Variants in POP4 observed in about 807,000 individuals in gnomAD.
The protein encoded by POP4 is ribonuclease P protein subunit p29.
POP4 carries 31 observed loss-of-function variants against 29.9 expected under a neutral mutation model. That is an observed-to-expected ratio of 1.04 (90% CI 0.78 to 1.40). The LOEUF (loss-of-function observed/expected upper bound fraction) is 1.40. POP4 is among the 40% of genes most tolerant of loss of function. The pLI is 0.00. For missense variants in POP4, 286 were observed against 282.7 expected, an observed-to-expected ratio of 1.01 and a Z score of -0.08; for synonymous variants, 110 against 108.2, an observed-to-expected ratio of 1.02 and a Z score of -0.10.
At chr19:29,611,717 C>T in intron 3 of POP4, 145 bp from the exon 4 acceptor site, 1 of 672,570 alleles carries the variant, frequency 1.5e-6, no homozygotes, top group Non-Finnish European at 2.6e-6. Context: ...GTTATCAGCT[C>T]AATTGCTCAT....
chr19:29,609,031 C>G (rs138664591), intron 2 of POP4: 201 of 251,024 alleles, frequency 8.0e-4, no homozygotes, highest in Non-Finnish European at 1.4e-3. Flanking sequence ...GCCCTCTGCA[C>G]TTCTGCAGAA....
In POP4 at chr19:29,608,648, ATC is replaced by A. The variant is rs992846619; in HGVS notation, c.8-8_8-7del. ...AAGAATTGATCATTTCTTTTTTTTA[ATC>A]CCCCAGGTGTGATCTACCATGCATT... On this transcript the variant is annotated splice_region_variant and splice_polypyrimidine_tract_variant and intron_variant, in intron 1 of 6. Transcript: ENST00000585603. 11 of 1,612,564 alleles carry A rather than the reference ATC, an allele frequency of 6.8e-6. No individual in the cohort carries two copies. The highest frequency in any genetic ancestry group is 9.3e-6 in the Non-Finnish European group (11 of 1,178,916).
In POP4 at chr19:29,608,828, T is replaced by C. The variant is rs994149363; in HGVS notation, c.60+119T>C. On this transcript the variant is annotated intron_variant, in intron 2 of 6. Coordinates refer to ENST00000585603, the MANE Select transcript of POP4 (RefSeq NM_006627.3). ...TCCCACATCATACTCCTCATTTTTC[T>C]GGCAGACATCTAAGGCTGGATCAAA... The C allele has an allele frequency of 9.3e-6, 9 of 970,460 alleles. No homozygotes were observed. The African/African-American group carries it at 1.3e-4, about 14-fold the overall frequency. 60.1% of individuals were successfully genotyped at this position (970,460 alleles called of 1,614,324 possible). A position where few individuals can be genotyped will look rare whatever the true frequency, so the allele number is the denominator to read the frequency against.
rs1971139107 is a variant in POP4, at chr19:29,616,966, G to A, written c.*1586G>A. 1 of 152,176 alleles carries A rather than the reference G, an allele frequency of 6.6e-6. No individual in the cohort carries two copies. The highest frequency in any genetic ancestry group is 2.1e-4 in the South Asian group (1 of 4,834). 9.4% of individuals were successfully genotyped at this position (152,176 alleles called of 1,614,324 possible). A position where few individuals can be genotyped will look rare whatever the true frequency, so the allele number is the denominator to read the frequency against. ...GGTAGATTGAGATTTGGACCTAATA[G>A]GCTCCAGAACTGTGCTTTGAGCTAC... On this transcript the variant is annotated 3_prime_UTR_variant, in exon 7 of 7. Coordinates refer to ENST00000585603, the MANE Select transcript of POP4 (RefSeq NM_006627.3).
chr19:29,615,048 A>T (rs1367313920), intron 6 of POP4, among the ~76,000 whole-genome samples, 196 bp from the exon 7 acceptor site: 1 of 152,194 alleles, frequency 6.6e-6, no homozygotes, highest in East Asian at 1.9e-4. Flanking sequence ...AGCTACATTT[A>T]GCATGTGACT....
rs1971053652 is a variant in POP4, at chr19:29,610,511, G to A, written c.163G>A (p.Ala55Thr). Reference protein sequence around the residue: ...QAREDQLQRKAVVLEYFTRHK... With the variant: ...QAREDQLQRKTVVLEYFTRHK... ...CCGCGAGGACCAGCTGCAGCGCAAG[G>A]CGGTGGTCCTGGAGTACTTCACCCG... Residue 55 changes from alanine to threonine, a missense_variant, in exon 3 of 7, where the codon GCG becomes ACG. Coordinates refer to ENST00000585603, the MANE Select transcript of POP4 (RefSeq NM_006627.3). The A allele has an allele frequency of 3.1e-6, 5 of 1,613,180 alleles. No individual in the cohort carries two copies. In the East Asian group the frequency reaches 1.1e-4, roughly 36 times the overall value.
At chr19:29,609,372 A>G (rs564344935) in intron 2 of POP4, 1 of 152,452 alleles carries the variant, frequency 6.6e-6, no homozygotes, top group East Asian at 1.9e-4. Context: ...CTATCTTCCC[A>G]TCCCCATTGC....
At chr19:29,612,004 C>T (rs1022806727) in intron 4 of POP4, 65 bp downstream of exon 4, 11 of 1,584,722 alleles carry the variant, frequency 6.9e-6, no homozygotes, top group South Asian at 5.6e-5. Context: ...ATTGTAAATG[C>T]GGCTTCAGGA....
At chr19:29,612,016 C>T (rs1599486839) in intron 4 of POP4, 77 bp downstream of exon 4, 2 of 1,585,210 alleles carry the variant, frequency 1.3e-6, no homozygotes. Flanking sequence ...GCTTCAGGAA[C>T]CAGCGTTGGT....
rs1212880758 is a variant in POP4 at position 29,606,310 on chromosome 19, G to A, written c.-9G>A. ...TGCGTCATCAGAGAGCGCCGGAAGC[G>A]GTCCGAGAATGAAGAGTAAGCGGGG... is the stretch of plus-strand genomic sequence containing the variant. On this transcript the variant is annotated 5_prime_UTR_variant, in exon 1 of 7. Transcript: ENST00000585603. 6.2e-7 allele frequency: 1 copy of A among 1,605,570 alleles called. No homozygotes were observed. Among genetic ancestry groups the A allele is most frequent in the South Asian group, 1.1e-5 (1 of 90,004 alleles).
chr19:29,613,863 C>T lies in POP4; in HGVS notation c.425-8C>T, dbSNP rs1971100426. 6.2e-7 allele frequency: 1 copy of T among 1,609,816 alleles called. No individual in the cohort carries two copies. The highest frequency in any genetic ancestry group is 1.3e-5 in the African/African-American group (1 of 74,654). ...GCCTGAGCCTGGAACTGTCCTTTTT[C>T]TTTGCAGTGACAAAATCCAAATGCC... On this transcript the variant is annotated splice_region_variant and splice_polypyrimidine_tract_variant and intron_variant, in intron 5 of 6. Coordinates refer to ENST00000585603, the MANE Select transcript of POP4 (RefSeq NM_006627.3).
At chr19:29,611,787 G>A in intron 3 of POP4, 75 bp from the exon 4 acceptor site, 1 of 1,265,138 alleles carries the variant, frequency 7.9e-7, no homozygotes. Context: ...ATCAAGTCAA[G>A]CTCTGTGCTA....
chr19:29,607,372 C>T (rs1241952027), intron 1 of POP4, among the ~76,000 whole-genome samples: 1 of 151,784 alleles, frequency 6.6e-6, no homozygotes, highest in Non-Finnish European at 1.5e-5. Flanking sequence ...CACTTGAAAC[C>T]AGGAGGTCGA....
chr19:29,611,638 C>T (rs919787694), intron 3 of POP4: 2 of 508,892 alleles, frequency 3.9e-6, no homozygotes, highest in African/African-American at 2.0e-5. Context: ...CAGGTGGACA[C>T]CGCCCTGGGC....
rs1599486645 is a variant in POP4, at chr19:29,611,642, C to G, written c.285-220C>G. 5.5e-6 allele frequency: 3 copies of G among 542,032 alleles called. No individual in the cohort carries two copies. The East Asian group carries it at 9.5e-5, about 17-fold the overall frequency. The allele number at this position is 542,032 out of a possible 1,614,324, so 33.6% of individuals were successfully genotyped here. ...GAAAAGAAGTCCAGGTGGACACCGC[C>G]CTGGGCTGGTGTGGTCCTACCAATG... is the stretch of plus-strand genomic sequence containing the variant. On this transcript the variant is annotated intron_variant, in intron 3 of 6. Coordinates refer to ENST00000585603, the MANE Select transcript of POP4 (RefSeq NM_006627.3).
Position 29,610,428 on chromosome 19 carries a change from C to A in POP4, c.80C>A (p.Ala27Asp), listed in dbSNP as rs1245290223. The part of the protein sequence containing the change: ...SDVQPSGAQR[A>D]EAFVRAFLKR... ...CTGCAGCCTTCAGGAGCACAGCGGG[C>A]CGAGGCCTTCGTGAGGGCCTTCCTG... Residue 27 changes from alanine to aspartate, a missense_variant, in exon 3 of 7, where the codon GCC becomes GAC. Transcript: ENST00000585603. 2.5e-6 allele frequency: 4 copies of A among 1,569,840 alleles called. No homozygotes were observed. Among genetic ancestry groups the A allele is most frequent in the Middle Eastern group, 2.0e-4 (1 of 4,924 alleles).
At chr19:29,606,414 T>C (rs750711152) in intron 1 of POP4, 89 bp downstream of exon 1, 8 of 1,437,520 alleles carry the variant, frequency 5.6e-6, no homozygotes, top group Non-Finnish European at 7.4e-6. Context: ...GGGCTACCTG[T>C]TGCTGCGGAG....
In POP4 at chr19:29,615,240, T is replaced by TC. The variant is rs781144735; in HGVS notation, c.527-3dup. ...TCTCCTGCCTTTTTTTTTTTTTTTTTCAGTTATCCCCAAGCTAAACTGCGT... is the reference window on the plus strand; with the variant it reads ...TCTCCTGCCTTTTTTTTTTTTTTTTTCCAGTTATCCCCAAGCTAAACTGCGT... On this transcript the variant is annotated splice_polypyrimidine_tract_variant and splice_region_variant and intron_variant, in intron 6 of 6. Coordinates refer to ENST00000585603, the MANE Select transcript of POP4 (RefSeq NM_006627.3). The TC allele has an allele frequency of 4.5e-5, 66 of 1,467,104 alleles. No individual in the cohort carries two copies. The highest frequency in any genetic ancestry group is 5.7e-5 in the Non-Finnish European group (63 of 1,104,768). The allele number at this position is 1,467,104 out of a possible 1,614,324, so 90.9% of individuals were successfully genotyped here.
rs1599486302 is a variant in POP4, at chr19:29,610,860, C to T, written c.284+228C>T. The T allele has an allele frequency of 1.1e-5, 6 of 551,770 alleles. No homozygotes were observed. The East Asian group carries it at 1.2e-4, about 11-fold the overall frequency. 34.2% of individuals were successfully genotyped at this position (551,770 alleles called of 1,614,324 possible). On this transcript the variant is annotated intron_variant, in intron 3 of 6. Coordinates refer to ENST00000585603, the MANE Select transcript of POP4 (RefSeq NM_006627.3). ...TCTCCTCACCTTCAGGAGTAAGACCCGTGCAAGTACATCTGTTGCCCATGG... is the reference window on the plus strand; with the variant it reads ...TCTCCTCACCTTCAGGAGTAAGACCTGTGCAAGTACATCTGTTGCCCATGG...
Sources: allele counts gnomAD v4.1 joint callset (sites outside exome capture counted in the v4.1 genomes callset), GRCh38; gene constraint gnomAD v4.1.1; transcripts MANE v1.5; gene names NCBI Gene and HGNC (gene_info 2026-07-23, HGNC 2026-07-21).